The following RBPMS variants were observed in gnomAD, a reference collection of about 807,000 sequenced individuals.
The protein encoded by RBPMS is RNA-binding protein with multiple splicing.
A neutral mutation model predicts 26.8 loss-of-function variants in RBPMS; 7 were observed. The observed-to-expected ratio is 0.26, with a 90% CI of 0.15 to 0.49. The LOEUF is 0.49. Ranked by LOEUF, RBPMS falls within the 20% of genes least tolerant of loss-of-function variation. The probability of loss-of-function intolerance (pLI) is 0.98; values close to 1 mark genes in which losing one functional copy is unlikely to be tolerated. For missense variants in RBPMS, 186 were observed against 250.0 expected (o/e 0.74, Z 1.73); for synonymous variants, 96 against 93.3 (o/e 1.03, Z -0.17).
At position 30,417,609 on chromosome 8, in the gene RBPMS, C is replaced by G. The variant is rs1009645379; in HGVS notation, c.66+32451C>G. 2.2e-4 allele frequency among the ~76,000 whole-genome samples: 34 copies of G among 152,212 alleles called. 1 individual carries two copies. Among genetic ancestry groups the G allele is most frequent in the Admixed American group, 2.2e-3 (34 of 15,280 alleles). On this transcript the variant is annotated intron_variant, in intron 1 of 8. Transcript: ENST00000397323. ...CCCCTCAATTTCCCAACCCCATCCC[C>G]ATTTGCTGTCCAGAAGTGTGACCAC... is the stretch of plus-strand genomic sequence containing the variant.
intron 1 of RBPMS, among the ~76,000 whole-genome samples, chr8:30,415,899 ATTTG>A (rs1810009453): frequency 6.6e-6 from 1 of 152,184 alleles, no homozygotes; most frequent in Admixed American, 6.5e-5. Flanking sequence ...AAGTTGGTCA[ATTTG>A]TTTTTGTGTT....
intron 6 of RBPMS, chr8:30,556,502 A>G (rs1479562322): frequency 3.0e-6 from 3 of 985,868 alleles, no homozygotes; most frequent in African/African-American, 1.7e-5. Flanking sequence ...CTCCCCGGGC[A>G]GCCCTCCCCC....
At chr8:30,489,328 G>C (rs1166346631) in intron 4 of RBPMS, among the ~76,000 whole-genome samples, 6 of 152,088 alleles carry the variant, frequency 3.9e-5, no homozygotes. Context: ...TTATAGCTGT[G>C]AGCCATTGCG....
chr8:30,514,424 C>T (rs892149687), intron 5 of RBPMS, among the ~76,000 whole-genome samples: 5 of 152,110 alleles, frequency 3.3e-5, no homozygotes, highest in Middle Eastern at 3.4e-3. Flanking sequence ...TGTCACTTCA[C>T]GGAAAATGAC....
chr8:30,528,168 T>A (rs1260910840), intron 5 of RBPMS, among the ~76,000 whole-genome samples: 3 of 151,612 alleles, frequency 2.0e-5, no homozygotes, highest in African/African-American at 7.3e-5. Context: ...AGAGCGAAAC[T>A]TTATTCCAAA....
At chr8:30,561,356 C>G (rs1182926075) in intron 7 of RBPMS, among the ~76,000 whole-genome samples, 1 of 152,196 alleles carries the variant, frequency 6.6e-6, no homozygotes, top group Non-Finnish European at 1.5e-5. Flanking sequence ...CCATGGTGCC[C>G]AGCACTGCCT....
At chr8:30,478,274 G>A (rs1817903635) in intron 3 of RBPMS, among the ~76,000 whole-genome samples, 1 of 152,088 alleles carries the variant, frequency 6.6e-6, no homozygotes, top group South Asian at 2.1e-4. Context: ...GTACAAAATG[G>A]AAGTGGTAGT....
chr8:30,411,672 A>AG, intron 1 of RBPMS, among the ~76,000 whole-genome samples: 1 of 134,106 alleles, frequency 7.5e-6, no homozygotes, highest in African/African-American at 2.9e-5. Flanking sequence ...CAGAAAAAAA[A>AG]AAAAAAAAAA....
rs565163802 is a variant in RBPMS, at chr8:30,497,918, G to A, written c.247-6368G>A. On this transcript the variant is annotated intron_variant, in intron 4 of 8. Coordinates refer to ENST00000397323, the MANE Select transcript of RBPMS (RefSeq NM_001008710.3). ...ATTACAGGCATGATCCACCAAGCCC[G>A]GCCACAAGGTCACAGAGGGATAGTA... Among the ~76,000 whole-genome samples, 5 of 151,882 alleles carry A rather than the reference G, an allele frequency of 3.3e-5. No individual in the cohort carries two copies. The South Asian group carries it at 6.3e-4, about 19-fold the overall frequency.
chr8:30,503,740 T>C (rs1261938001), intron 4 of RBPMS, among the ~76,000 whole-genome samples: 1 of 151,976 alleles, frequency 6.6e-6, no homozygotes, highest in African/African-American at 2.4e-5. Context: ...GGGAACTGAG[T>C]GGGTCCCATG....
At chr8:30,447,612 G>A (rs1324344006) in intron 1 of RBPMS, among the ~76,000 whole-genome samples, 1 of 152,124 alleles carries the variant, frequency 6.6e-6, no homozygotes, top group Non-Finnish European at 1.5e-5. Context: ...GAAAGACTTT[G>A]TAAGGAGACA....
Position 30,385,071 on chromosome 8 carries a change from C to T in RBPMS, c.-22C>T. ...GCCCCGCGCCCCAGCCCTGCCCGGC[C>T]CGGCGAGGAAGGACCGGGAAGATGA... is the stretch of plus-strand genomic sequence containing the variant. On this transcript the variant is annotated 5_prime_UTR_variant, in exon 1 of 9. Coordinates refer to ENST00000397323, the MANE Select transcript of RBPMS (RefSeq NM_001008710.3). 1.3e-6 allele frequency: 2 copies of T among 1,502,226 alleles called. No individual in the cohort carries two copies. Among genetic ancestry groups the T allele is most frequent in the Non-Finnish European group, 8.9e-7 (1 of 1,124,782 alleles). The allele number at this position is 1,502,226 out of a possible 1,614,324, so 93.1% of individuals were successfully genotyped here.
At chr8:30,393,188 G>C (rs1045722273) in intron 1 of RBPMS, among the ~76,000 whole-genome samples, 6 of 152,070 alleles carry the variant, frequency 3.9e-5, no homozygotes, top group Admixed American at 3.9e-4. Flanking sequence ...CTTAGCCATT[G>C]GAAAGCCTGA....
intron 5 of RBPMS, among the ~76,000 whole-genome samples, chr8:30,518,113 G>T (rs547200200): frequency 9.2e-5 from 14 of 152,292 alleles, no homozygotes; most frequent in South Asian, 8.3e-4. Context: ...TGCTTTAGTC[G>T]TCTCAGAAGT....
intron 4 of RBPMS, among the ~76,000 whole-genome samples, chr8:30,503,936 T>C (rs1033873466): frequency 2.6e-5 from 4 of 152,200 alleles, no homozygotes; most frequent in African/African-American, 9.7e-5. Flanking sequence ...CTATTTTAGG[T>C]AAACTGCAGG....
chr8:30,531,888 G>A (rs1430776770), intron 5 of RBPMS, among the ~76,000 whole-genome samples: 1 of 152,154 alleles, frequency 6.6e-6, no homozygotes, highest in East Asian at 1.9e-4. Context: ...TAAATTGGCA[G>A]GTTCATTGCA....
chr8:30,540,750 G>A (rs1585816742), intron 5 of RBPMS, among the ~76,000 whole-genome samples: 1 of 152,312 alleles, frequency 6.6e-6, no homozygotes, highest in Middle Eastern at 3.4e-3. Flanking sequence ...TTTTAAAGTT[G>A]TCTTGACTTG....
At chr8:30,425,431 G>A (rs973323589) in intron 1 of RBPMS, among the ~76,000 whole-genome samples, 8 of 150,066 alleles carry the variant, frequency 5.3e-5, no homozygotes, top group African/African-American at 1.7e-4. Context: ...ATGGAGTTTC[G>A]CTCTTGTTGC....
At chr8:30,526,296 C>T (rs998093140) in intron 5 of RBPMS, among the ~76,000 whole-genome samples, 2 of 152,226 alleles carry the variant, frequency 1.3e-5, no homozygotes, top group Admixed American at 1.3e-4. Flanking sequence ...TAAATTTAAT[C>T]CCTTTACAAA....
Sources: gnomAD v4.1 joint callset for allele counts (sites outside exome capture counted in the v4.1 genomes callset) on GRCh38, gnomAD v4.1.1 for gene constraint, MANE v1.5 for transcripts, NCBI Gene and HGNC (gene_info 2026-07-23, HGNC 2026-07-21) for gene names.